Variants in KREMEN1 observed in about 807,000 individuals in gnomAD.
The protein encoded by KREMEN1 is kremen protein 1.
KREMEN1 carries 30 observed loss-of-function variants against 46.5 expected under a neutral mutation model. The ratio of observed to expected loss-of-function variants is 0.65; its 90% CI spans 0.48 to 0.88. The LOEUF (loss-of-function observed/expected upper bound fraction) is 0.88, where lower values mean the gene tolerates loss of function less well. Among genes scored for constraint, KREMEN1 ranks in the 40% least tolerant of loss-of-function variants. The probability of loss-of-function intolerance (pLI) is 0.00; values close to 1 mark genes in which losing one functional copy is unlikely to be tolerated. For missense variants in KREMEN1, 533 were observed against 596.9 expected (o/e 0.89, Z 1.11); for synonymous variants, 214 against 230.6 (o/e 0.93, Z 0.65).
Position 29,073,121 on chromosome 22 carries a change from C to G in KREMEN1, c.-10C>G. 1.9e-6 allele frequency: 2 copies of G among 1,029,250 alleles called. No individual in the cohort carries two copies. Among genetic ancestry groups the G allele is most frequent in the Non-Finnish European group, 2.3e-6 (2 of 856,874 alleles). 63.8% of individuals were successfully genotyped at this position (1,029,250 alleles called of 1,614,324 possible). A position where few individuals can be genotyped will look rare whatever the true frequency, so the allele number is the denominator to read the frequency against. The stretch of plus-strand genomic sequence containing the variant: ...CCGGGCCGCGCCCCGGGGCCCCGCA[C>G]TGACGGCCCATGGCGCCGCCAGCCG... On this transcript the variant is annotated 5_prime_UTR_variant, in exon 1 of 9. Transcript: ENST00000400335. This position sits in a 1 kb window ranked among gnomAD's most constrained non-coding sequence, Gnocchi z 4.4.
Position 29,164,764 on chromosome 22 carries a change from A to AC in KREMEN1, c.1417-2280_1417-2279insC, listed in dbSNP as rs1230817504. On this transcript the variant is annotated intron_variant, in intron 9 of 9. Transcript: ENST00000327813. ...TCCATCTCAAAAAAAAAACAAAAAA[A>AC]AAAACCCAAAACAAGGAACTATGAT... is the stretch of plus-strand genomic sequence containing the variant. 1.0e-2 allele frequency among the ~76,000 whole-genome samples: 1,502 copies of AC among 150,308 alleles called. 67 individuals are homozygous for AC. The highest frequency in any genetic ancestry group is 0.035 in the African/African-American group (1,413 of 40,570).
intron 4 of KREMEN1, 159 bp from the exon 5 acceptor site, chr22:29,125,104 A>C: frequency 1.4e-6 from 1 of 705,928 alleles, no homozygotes; most frequent in South Asian, 1.8e-5. Flanking sequence ...TCAGCTTGAA[A>C]TTAAGTGTTG....
intron 9 of KREMEN1, among the ~76,000 whole-genome samples, chr22:29,159,989 T>G (rs1324787585): frequency 1.3e-5 from 2 of 152,116 alleles, no homozygotes; most frequent in Non-Finnish European, 2.9e-5. Flanking sequence ...ATTAGACAGA[T>G]CATCAAGGCA....
At chr22:29,083,141 T>A (rs2037682161) in intron 1 of KREMEN1, among the ~76,000 whole-genome samples, 1 of 152,200 alleles carries the variant, frequency 6.6e-6, no homozygotes. Flanking sequence ...CTTTATAGTA[T>A]GAAATTTTAT....
chr22:29,127,314 G>T (rs1352085299), intron 5 of KREMEN1, among the ~76,000 whole-genome samples: 1 of 152,114 alleles, frequency 6.6e-6, no homozygotes, highest in Non-Finnish European at 1.5e-5. Context: ...TAGTGTGAGG[G>T]TTTACTACCT....
chr22:29,107,293 A>G (rs969986579), intron 3 of KREMEN1, among the ~76,000 whole-genome samples: 2 of 140,330 alleles, frequency 1.4e-5, no homozygotes, highest in African/African-American at 5.4e-5. Flanking sequence ...GTGTGATCTC[A>G]GCTCACTGCA....
At chr22:29,104,586 G>C (rs1482877021) in intron 3 of KREMEN1, among the ~76,000 whole-genome samples, 1 of 152,194 alleles carries the variant, frequency 6.6e-6, no homozygotes, top group African/African-American at 2.4e-5. Flanking sequence ...AGTTATTGAG[G>C]TTAAAGTTAG....
At chr22:29,080,486 C>T (rs959397628) in intron 1 of KREMEN1, among the ~76,000 whole-genome samples, 37 of 152,066 alleles carry the variant, frequency 2.4e-4, no homozygotes, top group African/African-American at 8.7e-4. Context: ...CAATGCAGAG[C>T]TTCACTGGCC....
Position 29,142,370 on chromosome 22 carries a change from C to G in KREMEN1, c.*258C>G. On this transcript the variant is annotated 3_prime_UTR_variant, in exon 9 of 9. Transcript: ENST00000400335. The stretch of plus-strand genomic sequence containing the variant: ...GGGGCCCGGCCCTCTCTGCATCTCT[C>G]TCTGATCTAGCTAGCAGTGGGGGTG... The G allele has an allele frequency of 8.5e-7, 1 of 1,173,698 alleles. No individual in the cohort carries two copies. Among genetic ancestry groups the G allele is most frequent in the Non-Finnish European group, 1.1e-6 (1 of 950,694 alleles). The allele number at this position is 1,173,698 out of a possible 1,614,324, so 72.7% of individuals were successfully genotyped here. A position where few individuals can be genotyped will look rare whatever the true frequency, so the allele number is the denominator to read the frequency against.
intron 2 of KREMEN1, among the ~76,000 whole-genome samples, chr22:29,096,802 A>T (rs2145767523): frequency 6.6e-6 from 1 of 152,332 alleles, no homozygotes; most frequent in East Asian, 1.9e-4. Flanking sequence ...AAAGCTGAAC[A>T]CCGAATAGAG....
At chr22:29,088,099 C>A (rs2037755186) in intron 1 of KREMEN1, among the ~76,000 whole-genome samples, 1 of 152,036 alleles carries the variant, frequency 6.6e-6, no homozygotes, top group Non-Finnish European at 1.5e-5. Flanking sequence ...CCTATTTGCT[C>A]CTCTGTATCT....
intron 1 of KREMEN1, among the ~76,000 whole-genome samples, chr22:29,090,358 C>T (rs2037787074): frequency 6.6e-6 from 1 of 152,062 alleles, no homozygotes. Context: ...AAGAAGGAAA[C>T]AGCAGACACT....
At position 29,161,323 on chromosome 22, in the gene KREMEN1, T is replaced by C. The variant is rs576051563; in HGVS notation, c.1417-5721T>C. Among the ~76,000 whole-genome samples the C allele has an allele frequency of 4.8e-3, 721 of 151,154 alleles. 4 individuals carry two copies. The highest frequency in any genetic ancestry group is 5.9e-3 in the African/African-American group (242 of 41,182). On this transcript the variant is annotated intron_variant, in intron 9 of 9. Transcript: ENST00000327813. ...GAGATCGAGACCATCCTGGCTAACATGATGAAACCCCGTCTGTACTAAAAA... is the reference window on the plus strand; with the variant it reads ...GAGATCGAGACCATCCTGGCTAACACGATGAAACCCCGTCTGTACTAAAAA...
intron 5 of KREMEN1, among the ~76,000 whole-genome samples, chr22:29,126,115 CAAAAA>C (rs5844835): frequency 0.026 from 3,692 of 143,638 alleles, 151 homozygotes; most frequent in African/African-American, 0.089. Flanking sequence ...TGGAGGCAGA[CAAAAA>C]AAAAAAAAGG....
At chr22:29,138,821 C>A (rs2038713651) in intron 7 of KREMEN1, 39 bp downstream of exon 7, 7 of 1,614,058 alleles carry the variant, frequency 4.3e-6, no homozygotes, top group Non-Finnish European at 3.4e-6. Context: ...GGCTGGAAGC[C>A]ACAGAGTTGA....
At chr22:29,140,408 G>C (rs774899249) in intron 8 of KREMEN1, 42 bp downstream of exon 8, 7 of 1,405,278 alleles carry the variant, frequency 5.0e-6, no homozygotes, top group African/African-American at 2.8e-5. Flanking sequence ...GAAAGGGAAG[G>C]CTCAGAGTTC....
intron 1 of KREMEN1, among the ~76,000 whole-genome samples, chr22:29,089,840 G>T (rs796707124): frequency 2.0e-5 from 3 of 152,268 alleles, no homozygotes; most frequent in East Asian, 3.9e-4. Flanking sequence ...TGCATTTGCT[G>T]GACCCTCTGC....
rs962377736 is a variant in KREMEN1 at position 29,092,484 on chromosome 22, G to A, written c.98-1774G>A. ...TTATTCATCCAAGGTCGCACAGCTG[G>A]TCAGCAGCAGGTCCAGGACAAGAAG... On this transcript the variant is annotated intron_variant, in intron 1 of 8. Transcript: ENST00000400335. Among the ~76,000 whole-genome samples the A allele has an allele frequency of 3.3e-5, 5 of 152,186 alleles. No individual in the cohort carries two copies. In the South Asian group the frequency reaches 1.0e-3, roughly 32 times the overall value.
Position 29,152,292 on chromosome 22 carries a change from A to G in KREMEN1, c.1416+10192A>G, listed in dbSNP as rs2038921120. Among the ~76,000 whole-genome samples the G allele has an allele frequency of 1.3e-5, 2 of 152,176 alleles. 1 individual carries two copies. Among genetic ancestry groups the G allele is most frequent in the South Asian group, 4.1e-4 (2 of 4,828 alleles). On this transcript the variant is annotated intron_variant, in intron 9 of 9. Transcript: ENST00000327813. ...ACCCCCTACAAGCGGCTCCAAGGACAGAGTCTCCAGATCCAGGACAGCTGG... is the reference window on the plus strand; with the variant it reads ...ACCCCCTACAAGCGGCTCCAAGGACGGAGTCTCCAGATCCAGGACAGCTGG...
Sources: allele counts gnomAD v4.1 joint callset (sites outside exome capture counted in the v4.1 genomes callset), GRCh38; gene constraint gnomAD v4.1.1; non-coding constraint Gnocchi (gnomAD v3.1); transcripts MANE v1.5; gene names NCBI Gene and HGNC (gene_info 2026-07-23, HGNC 2026-07-21).